The following CDH10 variants were observed in gnomAD, a reference collection of about 807,000 sequenced individuals.
The protein encoded by CDH10 is cadherin 10.
Under a neutral mutation model 73.1 loss-of-function variants are expected in CDH10, and 30 were observed. That is an observed-to-expected ratio of 0.41 (90% CI 0.31 to 0.56). The LOEUF (loss-of-function observed/expected upper bound fraction) is 0.56. Among genes scored for constraint, CDH10 ranks in the 20% least tolerant of loss-of-function variants. The pLI, the probability that CDH10 is intolerant of heterozygous loss-of-function variation, is 0.27. For synonymous variants in CDH10, 345 were observed against 348.2 expected (o/e 0.99, Z 0.10); for missense variants, 815 against 973.7 (o/e 0.84, Z 2.17).
chr5:24,581,836 T>G (rs1395550302), intron 2 of CDH10, among the ~76,000 whole-genome samples: 2 of 152,218 alleles, frequency 1.3e-5, no homozygotes, highest in Non-Finnish European at 2.9e-5. Context: ...TTTGCTTGGA[T>G]TTATTTTTGG....
intron 5 of CDH10, among the ~76,000 whole-genome samples, chr5:24,530,890 C>T (rs1224597062): frequency 6.6e-6 from 1 of 151,996 alleles, no homozygotes; most frequent in Non-Finnish European, 1.5e-5. Context: ...AACCATGAGA[C>T]TATAAAGATA....
At chr5:24,534,036 T>C (rs6890754) in intron 5 of CDH10, among the ~76,000 whole-genome samples, 9,013 of 152,058 alleles carry the variant, frequency 0.059, 532 homozygotes, top group African/African-American at 0.15. Context: ...CTATTAATAA[T>C]GAAAGTTAGG....
chr5:24,602,393 T>C (rs534535820), intron 1 of CDH10, among the ~76,000 whole-genome samples: 1 of 152,250 alleles, frequency 6.6e-6, no homozygotes, highest in Admixed American at 6.5e-5. Flanking sequence ...TAAACTGCCA[T>C]TCATTCAGTT....
chr5:24,495,115 A>G (rs1407191797), intron 9 of CDH10, among the ~76,000 whole-genome samples: 2 of 152,166 alleles, frequency 1.3e-5, no homozygotes, highest in Non-Finnish European at 2.9e-5. Flanking sequence ...AGATATCAGA[A>G]CTTGGCAACA....
intron 1 of CDH10, among the ~76,000 whole-genome samples, chr5:24,637,451 C>T (rs1201005234): frequency 1.3e-5 from 2 of 151,878 alleles, no homozygotes; most frequent in African/African-American, 4.8e-5. Context: ...ATTTAGAGCA[C>T]AACTACTGAT....
intron 2 of CDH10, among the ~76,000 whole-genome samples, chr5:24,575,914 G>C (rs1027981408): frequency 2.2e-4 from 34 of 151,856 alleles, no homozygotes; most frequent in Middle Eastern, 3.4e-3. Context: ...TCTCTTTGGA[G>C]TTAACTTCCA....
intron 2 of CDH10, among the ~76,000 whole-genome samples, chr5:24,553,230 T>C (rs1005968379): frequency 2.4e-5 from 2 of 84,056 alleles, no homozygotes; most frequent in South Asian, 4.4e-4. Flanking sequence ...CAGAAGCTTG[T>C]AGAGAAGCTT....
chr5:24,531,441 T>C (rs1481262615), intron 5 of CDH10, among the ~76,000 whole-genome samples: 1 of 152,118 alleles, frequency 6.6e-6, no homozygotes, highest in African/African-American at 2.4e-5. Flanking sequence ...ATTCTCATGC[T>C]GCTGATAAAG....
At chr5:24,547,548 C>A (rs574429147) in intron 2 of CDH10, among the ~76,000 whole-genome samples, 2 of 152,266 alleles carry the variant, frequency 1.3e-5, no homozygotes, top group African/African-American at 4.8e-5. Context: ...AACTGAAGGT[C>A]TTCAAGCACA....
At chr5:24,566,268 G>T (rs191205179) in intron 2 of CDH10, among the ~76,000 whole-genome samples, 1 of 152,010 alleles carries the variant, frequency 6.6e-6, no homozygotes, top group Non-Finnish European at 1.5e-5. Flanking sequence ...GGCTGATCTC[G>T]AACTCCTGAC....
intron 2 of CDH10, among the ~76,000 whole-genome samples, chr5:24,538,125 G>A (rs1445374545): frequency 1.3e-5 from 2 of 151,976 alleles, no homozygotes; most frequent in Admixed American, 1.3e-4. Flanking sequence ...AATTAGTAAT[G>A]TCTTAAGAAC....
At chr5:24,576,413 C>G (rs1464428067) in intron 2 of CDH10, among the ~76,000 whole-genome samples, 4 of 152,028 alleles carry the variant, frequency 2.6e-5, no homozygotes, top group Non-Finnish European at 4.4e-5. Context: ...GTAGGTTAAA[C>G]CTCTTCACCA....
chr5:24,515,814 G>A (rs1007122508), intron 5 of CDH10, among the ~76,000 whole-genome samples: 2 of 152,138 alleles, frequency 1.3e-5, no homozygotes, highest in Non-Finnish European at 2.9e-5. Flanking sequence ...CTGGTGGGAG[G>A]TAATTGGATC....
In CDH10 at chr5:24,509,833, T is replaced by A. The variant is rs370001100; in HGVS notation, c.1003-14A>T. The A allele has an allele frequency of 6.3e-7, 1 of 1,590,484 alleles. No homozygotes were observed. On this transcript the variant is annotated splice_polypyrimidine_tract_variant and intron_variant, in intron 6 of 11. Coordinates refer to ENST00000264463, the MANE Select transcript of CDH10 (RefSeq NM_006727.5). The stretch of plus-strand genomic sequence containing the variant: ...ATAGTCGAGTGGCTGTATAAAAAAA[T>A]AAATCATCAAATTAGAGTGAGGGAA...
chr5:24,492,856 C>A lies in CDH10; in HGVS notation c.1585G>T (p.Ala529Ser). The A allele has an allele frequency of 6.3e-7, 1 of 1,579,078 alleles. No homozygotes were observed. The highest frequency in any genetic ancestry group is 1.7e-5 in the Admixed American group (1 of 59,946). The part of the protein sequence containing the change: ...LGGQKFFFSL[A>S]AVNPNFTVQD... Reference sequence around the variant, plus strand: ...ACTGTGAAGTTTGGATTGACAGCAGCTAAACTGAAAAAAAATTTCTGTCCA... The same window carrying A: ...ACTGTGAAGTTTGGATTGACAGCAGATAAACTGAAAAAAAATTTCTGTCCA... Residue 529 changes from alanine to serine, a missense_variant, in exon 10 of 12, where the codon GCT becomes TCT. This residue lies in a region of CDH10 where 516 missense variants were observed against 636.6 expected (regional missense o/e 0.81). Transcript: ENST00000264463.
chr5:24,537,651 T>G lies in CDH10; in HGVS notation c.255A>C (p.Gly85=), dbSNP rs1162022269. The stretch of plus-strand genomic sequence containing the variant: ...ATAAGATATATTTGAGTGATCCATC[T>G]CCTTTATCTTGGTCTGAATGTAGCT... ...VGKLHSDQDK[G]DGSLKYILSG... is the part of the protein sequence containing the mutation. Residue 85 remains glycine, a synonymous_variant, in exon 3 of 12, where the codon GGA becomes GGC. Transcript: ENST00000264463. 1 of 1,598,506 alleles carries G rather than the reference T, an allele frequency of 6.3e-7. No homozygotes were observed. The highest frequency in any genetic ancestry group is 1.7e-5 in the Admixed American group (1 of 59,570).
intron 11 of CDH10, among the ~76,000 whole-genome samples, chr5:24,489,416 A>G (rs1448507830): frequency 6.6e-6 from 1 of 152,174 alleles, no homozygotes; most frequent in Admixed American, 6.5e-5. Flanking sequence ...GCAAATAGGC[A>G]GAACTTTTTA....
Position 24,566,182 on chromosome 5 carries a change from G to A in CDH10, c.231+27078C>T, listed in dbSNP as rs917967183. On this transcript the variant is annotated intron_variant, in intron 2 of 11. Transcript: ENST00000264463. ...TCATGCCTCAGCCTACCAAGCACCT[G>A]GGATTACAGACATGCACCACCACAC... is the stretch of plus-strand genomic sequence containing the variant. 7.9e-5 allele frequency among the ~76,000 whole-genome samples: 12 copies of A among 151,996 alleles called. 1 individual carries two copies. Among genetic ancestry groups the A allele is most frequent in the South Asian group, 2.1e-4 (1 of 4,814 alleles).
At chr5:24,495,568 G>A (rs1158401752) in intron 9 of CDH10, among the ~76,000 whole-genome samples, 4 of 152,160 alleles carry the variant, frequency 2.6e-5, no homozygotes, top group Admixed American at 1.3e-4. Flanking sequence ...CACCCTTTTG[G>A]CCAGGCGCCG....
Sources: gnomAD v4.1 joint callset for allele counts (sites outside exome capture counted in the v4.1 genomes callset) on GRCh38, gnomAD v4.1.1 for gene constraint, gnomAD v4.1.1 regional missense constraint, MANE v1.5 for transcripts, NCBI Gene and HGNC (gene_info 2026-07-23, HGNC 2026-07-21) for gene names.